ANKS1B: variants seen among roughly 807,000 people sequenced by gnomAD.
ANKS1B encodes ankyrin repeat and sterile alpha motif domain-containing protein 1B.
Under a neutral mutation model 148.3 loss-of-function variants are expected in ANKS1B, and 36 were observed. The observed-to-expected ratio is 0.24, with a 90% confidence interval of 0.19 to 0.32. The LOEUF is 0.32. Ranked by LOEUF, ANKS1B falls within the 10% of genes least tolerant of loss-of-function variation. The probability of loss-of-function intolerance (pLI) is 1.00; values close to 1 mark genes in which losing one functional copy is unlikely to be tolerated. For missense variants in ANKS1B, 1,157 were observed against 1,542.6 expected, an observed-to-expected ratio of 0.75 and a Z score of 4.19; for synonymous variants, 542 against 560.8, an observed-to-expected ratio of 0.97 and a Z score of 0.47.
At chr12:99,975,960 A>G (rs1276912881) in intron 1 of ANKS1B, among the ~76,000 whole-genome samples, 3 of 152,340 alleles carry the variant, frequency 2.0e-5, no homozygotes, top group East Asian at 1.9e-4. Context: ...ATGCCCATCA[A>G]TGGTAGACTG....
chr12:99,136,923 T>G (rs928477448), intron 15 of ANKS1B, among the ~76,000 whole-genome samples: 6 of 152,228 alleles, frequency 3.9e-5, no homozygotes, highest in Non-Finnish European at 8.8e-5. Context: ...CCTGTGTCTA[T>G]GTAGACCACC....
intron 12 of ANKS1B, among the ~76,000 whole-genome samples, chr12:99,260,502 T>A (rs1008420760): frequency 6.6e-6 from 1 of 152,150 alleles, no homozygotes; most frequent in Non-Finnish European, 1.5e-5. Flanking sequence ...AGGAGAGTTA[T>A]CAAAAGTGTA....
At chr12:99,846,578 T>C (rs1299543162) in intron 1 of ANKS1B, among the ~76,000 whole-genome samples, 1 of 152,166 alleles carries the variant, frequency 6.6e-6, no homozygotes, top group Non-Finnish European at 1.5e-5. Flanking sequence ...ATGTTGTATT[T>C]GACAACCATG....
At chr12:98,867,248 C>T (rs1044526399) in intron 17 of ANKS1B, among the ~76,000 whole-genome samples, 2 of 152,092 alleles carry the variant, frequency 1.3e-5, no homozygotes, top group Admixed American at 1.3e-4. Flanking sequence ...AGAGCCATTG[C>T]AAGAAATCAC....
chr12:99,884,423 T>C (rs1021967277), intron 1 of ANKS1B, among the ~76,000 whole-genome samples: 1 of 152,218 alleles, frequency 6.6e-6, no homozygotes, highest in African/African-American at 2.4e-5. Flanking sequence ...AAGGAATGAG[T>C]ATTTGTTTCA....
intron 13 of ANKS1B, among the ~76,000 whole-genome samples, chr12:99,245,418 C>G (rs1271161239): frequency 6.6e-6 from 1 of 152,124 alleles, no homozygotes; most frequent in East Asian, 1.9e-4. Flanking sequence ...GGCTTAATGA[C>G]TCTCTTGATG....
intron 15 of ANKS1B, among the ~76,000 whole-genome samples, chr12:99,113,631 G>T (rs2060738556): frequency 6.6e-6 from 1 of 152,056 alleles, no homozygotes; most frequent in Non-Finnish European, 1.5e-5. Context: ...ATAGAGTCAG[G>T]TTTATTTCAC....
chr12:99,121,319 GTA>G (rs199935707), intron 15 of ANKS1B, among the ~76,000 whole-genome samples: 19 of 66,922 alleles, frequency 2.8e-4, no homozygotes, highest in Admixed American at 4.6e-4. Context: ...GTGTATGTAG[GTA>G]TGTGTGTGTG....
rs184222314 is a variant in ANKS1B at position 99,817,375 on chromosome 12, A to G, written c.216-5064T>C. Among the ~76,000 whole-genome samples the G allele has an allele frequency of 1.9e-3, 294 of 151,748 alleles. 2 individuals are homozygous for G. The highest frequency in any genetic ancestry group is 3.3e-3 in the Admixed American group (50 of 15,176). ...CTTTTTTATGGTTGAATAATATTCT[A>G]TTGTGTATATGTGCCACATTTACTT... On this transcript the variant is annotated intron_variant, in intron 2 of 26. Transcript: ENST00000683438.
rs187869419 is a variant in ANKS1B, at chr12:99,096,463, T to C, written c.2527-11440A>G. 2.8e-4 allele frequency among the ~76,000 whole-genome samples: 43 copies of C among 152,162 alleles called. No individual in the cohort carries two copies. In the East Asian group the frequency reaches 8.1e-3, roughly 29 times the overall value. ...GGAAAACTTGCTCACATCACAACAA[T>C]GGGATTAAGTGTGAGGAGATGATCG... On this transcript the variant is annotated intron_variant, in intron 15 of 26. Transcript: ENST00000683438.
chr12:98,752,867 G>A (rs1275784121), intron 25 of ANKS1B, among the ~76,000 whole-genome samples: 1 of 152,168 alleles, frequency 6.6e-6, no homozygotes, highest in African/African-American at 2.4e-5. Context: ...AGAAGTTTGG[G>A]TCTTTTTACC....
At chr12:99,676,933 AAGG>A (rs1450586164) in intron 8 of ANKS1B, among the ~76,000 whole-genome samples, 2 of 152,244 alleles carry the variant, frequency 1.3e-5, no homozygotes, top group South Asian at 2.1e-4. Context: ...GAGTAGGAAG[AAGG>A]AGAATGTGTT....
At chr12:98,743,571 C>T (rs1001793587), downstream of ANKS1B, among the ~76,000 whole-genome samples, 2 of 152,176 alleles carry the variant, frequency 1.3e-5, no homozygotes, top group South Asian at 2.1e-4. Flanking sequence ...CTTCCTTTTC[C>T]CGTCCCTGCT....
intron 14 of ANKS1B, among the ~76,000 whole-genome samples, chr12:99,210,376 G>T (rs2083191401): frequency 6.6e-6 from 1 of 151,922 alleles, no homozygotes; most frequent in African/African-American, 2.4e-5. Flanking sequence ...TCTTATTTAT[G>T]CCTACCATTT....
chr12:99,371,080 C>T (rs915676178), intron 12 of ANKS1B, among the ~76,000 whole-genome samples: 9 of 151,918 alleles, frequency 5.9e-5, no homozygotes, highest in African/African-American at 1.7e-4. Context: ...GTTTTGGACC[C>T]CAAGGAAAAT....
chr12:99,435,036 G>C (rs886644249), intron 11 of ANKS1B, among the ~76,000 whole-genome samples: 4 of 152,060 alleles, frequency 2.6e-5, no homozygotes, highest in African/African-American at 9.7e-5. Flanking sequence ...CCATATTCCT[G>C]TAGGATAAAC....
intron 17 of ANKS1B, among the ~76,000 whole-genome samples, chr12:98,909,844 C>A (rs1333607623): frequency 6.6e-6 from 1 of 152,158 alleles, no homozygotes; most frequent in East Asian, 1.9e-4. Flanking sequence ...AAGTCAAGAC[C>A]AAAGGAGCAC....
chr12:99,028,653 G>C (rs1044938044), intron 17 of ANKS1B, among the ~76,000 whole-genome samples: 3 of 152,046 alleles, frequency 2.0e-5, no homozygotes, highest in African/African-American at 7.2e-5. Flanking sequence ...ACCTATGAAG[G>C]TTATTTTACT....
intron 17 of ANKS1B, among the ~76,000 whole-genome samples, chr12:98,912,041 A>G (rs1244241970): frequency 1.3e-5 from 2 of 152,208 alleles, no homozygotes; most frequent in Non-Finnish European, 1.5e-5. Context: ...TTTCTTGATA[A>G]TAACAGCAAA....
Sources: gnomAD v4.1 joint callset for allele counts (sites outside exome capture counted in the v4.1 genomes callset) on GRCh38, gnomAD v4.1.1 for gene constraint, MANE v1.5 for transcripts, NCBI Gene and HGNC (gene_info 2026-07-23, HGNC 2026-07-21) for gene names.